NRXN1: variants seen among roughly 807,000 people sequenced by gnomAD.
NRXN1 encodes neurexin-1.
In NRXN1, 39 loss-of-function variants were observed where a neutral mutation model predicts 150.9. The observed-to-expected ratio is 0.26, with a 90% confidence interval of 0.20 to 0.34. The LOEUF is 0.34. Ranked by LOEUF, NRXN1 falls within the 10% of genes least tolerant of loss-of-function variation. NRXN1 has a pLI of 1.00. For synonymous variants in NRXN1, 924 were observed against 757.0 expected (o/e 1.22, Z -3.62); for missense variants, 1,815 against 1,949.9 (o/e 0.93, Z 1.30).
At chr2:50,739,237 T>C (rs770432986) in intron 5 of NRXN1, 2 of 503,792 alleles carry the variant, frequency 4.0e-6, no homozygotes, top group East Asian at 5.5e-5. Flanking sequence ...CTGGGTTCAT[T>C]GAGGATATTT....
At chr2:50,801,907 C>A (rs181070640) in intron 5 of NRXN1, among the ~76,000 whole-genome samples, 11 of 152,194 alleles carry the variant, frequency 7.2e-5, no homozygotes, top group East Asian at 1.9e-4. Flanking sequence ...TCTATGGGTT[C>A]TCTGTCATGT....
intron 18 of NRXN1, among the ~76,000 whole-genome samples, chr2:50,148,182 T>G (rs2058472594): frequency 6.6e-6 from 1 of 151,606 alleles, no homozygotes; most frequent in African/African-American, 2.4e-5. Context: ...TTTTTTAAGT[T>G]GTAAGTCATT....
chr2:49,964,758 T>G (rs187424959), intron 21 of NRXN1, among the ~76,000 whole-genome samples: 1 of 152,052 alleles, frequency 6.6e-6, no homozygotes, highest in African/African-American at 2.4e-5. Context: ...GGAGAATCAC[T>G]TGAACCCAGG....
At chr2:50,344,522 CAA>C (rs1462111343) in intron 17 of NRXN1, among the ~76,000 whole-genome samples, 1 of 152,156 alleles carries the variant, frequency 6.6e-6, no homozygotes, top group Non-Finnish European at 1.5e-5. Flanking sequence ...TTCTTTGACC[CAA>C]AAGAATAATA....
chr2:50,469,845 T>G (rs908786831), intron 16 of NRXN1, among the ~76,000 whole-genome samples: 2 of 151,204 alleles, frequency 1.3e-5, no homozygotes, highest in South Asian at 2.1e-4. Flanking sequence ...CATAAGTGAC[T>G]GGGTTCAAAT....
At chr2:50,270,115 G>A (rs2069392748) in intron 17 of NRXN1, among the ~76,000 whole-genome samples, 1 of 152,030 alleles carries the variant, frequency 6.6e-6, no homozygotes, top group Non-Finnish European at 1.5e-5. Flanking sequence ...AGGTACAAAT[G>A]AGAATGACTC....
intron 9 of NRXN1, 138 bp from the exon 10 acceptor site, chr2:50,538,774 G>A: frequency 1.5e-6 from 1 of 655,764 alleles, no homozygotes; most frequent in Non-Finnish European, 2.2e-6. Flanking sequence ...CTCACTTTTT[G>A]GTATTTCCTA....
chr2:50,562,185 C>T (rs1669190092), intron 8 of NRXN1, among the ~76,000 whole-genome samples: 1 of 152,092 alleles, frequency 6.6e-6, no homozygotes, highest in Non-Finnish European at 1.5e-5. Context: ...TGTCTCCAGC[C>T]TCATAAGCTC....
chr2:50,952,326 A>T (rs970264976), intron 2 of NRXN1, among the ~76,000 whole-genome samples: 11 of 152,194 alleles, frequency 7.2e-5, no homozygotes, highest in Non-Finnish European at 1.6e-4. Flanking sequence ...TTTCTCACAC[A>T]TACAAATACA....
At chr2:50,712,417 C>G (rs1028108289) in intron 5 of NRXN1, among the ~76,000 whole-genome samples, 1 of 152,150 alleles carries the variant, frequency 6.6e-6, no homozygotes. Context: ...TTTCACCAAG[C>G]TCTCCTGTAT....
chr2:50,971,253 C>T (rs543666852), intron 2 of NRXN1, among the ~76,000 whole-genome samples: 1 of 152,208 alleles, frequency 6.6e-6, no homozygotes, highest in East Asian at 1.9e-4. Flanking sequence ...TTGTTAGTGT[C>T]AAGTGGCTGA....
intron 21 of NRXN1, among the ~76,000 whole-genome samples, chr2:49,984,831 C>A (rs1262389913): frequency 6.6e-6 from 1 of 151,880 alleles, no homozygotes; most frequent in East Asian, 1.9e-4. Context: ...ATGTCTAGTC[C>A]CATACCCTGG....
At chr2:50,649,844 G>T (rs1337468218) in intron 5 of NRXN1, among the ~76,000 whole-genome samples, 1 of 151,972 alleles carries the variant, frequency 6.6e-6, no homozygotes, top group Non-Finnish European at 1.5e-5. Flanking sequence ...TTTGCTTGAG[G>T]AATGTGAATG....
chr2:50,097,729 T>G (rs1700432212), intron 18 of NRXN1, among the ~76,000 whole-genome samples: 1 of 152,138 alleles, frequency 6.6e-6, no homozygotes, highest in African/African-American at 2.4e-5. Context: ...AACCTTTGCT[T>G]CCTTTGTTCA....
At chr2:50,623,268 T>C (rs933415334) in intron 6 of NRXN1, 46 bp downstream of exon 6, 5 of 1,497,742 alleles carry the variant, frequency 3.3e-6, no homozygotes, top group Non-Finnish European at 3.7e-6. Context: ...CACACAGCTA[T>C]AGCGAGAAAC....
chr2:50,020,011 A>G (rs6753833), intron 21 of NRXN1, among the ~76,000 whole-genome samples: 53,525 of 108,318 alleles, frequency 0.49, 15,716 homozygotes, highest in East Asian at 0.58. Flanking sequence ...GTCCTCATTA[A>G]CTATTATAAG....
chr2:50,932,170 T>G (rs1306406977), intron 2 of NRXN1, among the ~76,000 whole-genome samples: 1 of 152,082 alleles, frequency 6.6e-6, no homozygotes, highest in Non-Finnish European at 1.5e-5. Context: ...AGTGGATCAC[T>G]TGGTGTCAGG....
chr2:50,014,934 A>C lies in NRXN1; in HGVS notation c.4128+38337T>G, dbSNP rs544273603. ...TAGGTAATGCTATCACAGCCGGTGTAGTCAAGACTTCTGTCTTTTGTTTTG... is the reference window on the plus strand; with the variant it reads ...TAGGTAATGCTATCACAGCCGGTGTCGTCAAGACTTCTGTCTTTTGTTTTG... On this transcript the variant is annotated intron_variant, in intron 21 of 22. Coordinates refer to ENST00000401669, the MANE Select transcript of NRXN1 (RefSeq NM_001330078.2). Among the ~76,000 whole-genome samples the C allele has an allele frequency of 2.0e-5, 3 of 152,298 alleles. No homozygotes were observed. The South Asian group carries it at 6.2e-4, about 32-fold the overall frequency.
chr2:50,758,255 C>T (rs1701388154), intron 5 of NRXN1: 1 of 151,826 alleles, frequency 6.6e-6, no homozygotes, highest in African/African-American at 2.4e-5. Context: ...CCTTATGGTT[C>T]ACTTCATGGC....
Sources: gnomAD v4.1 joint callset for allele counts (sites outside exome capture counted in the v4.1 genomes callset) on GRCh38, gnomAD v4.1.1 for gene constraint, MANE v1.5 for transcripts, NCBI Gene and HGNC (gene_info 2026-07-23, HGNC 2026-07-21) for gene names.